The following RASGRF2 variants were observed in gnomAD, a reference collection of about 807,000 sequenced individuals.
RASGRF2 encodes ras-specific guanine nucleotide-releasing factor 2.
RASGRF2 carries 76 observed loss-of-function variants against 151.0 expected under a neutral mutation model. The observed-to-expected ratio is 0.50, with a 90% CI of 0.42 to 0.61. The LOEUF (loss-of-function observed/expected upper bound fraction) is 0.61. Among genes scored for constraint, RASGRF2 ranks in the 20% least tolerant of loss-of-function variants. The pLI is 0.00. For synonymous variants in RASGRF2, 504 were observed against 566.5 expected (o/e 0.89, Z 1.57); for missense variants, 1,148 against 1,564.6 (o/e 0.73, Z 4.49).
chr5:81,184,661 T>G (rs1754985869), intron 18 of RASGRF2, among the ~76,000 whole-genome samples: 1 of 152,194 alleles, frequency 6.6e-6, no homozygotes, highest in South Asian at 2.1e-4. Context: ...AATTGGAGGC[T>G]TAGGGGCATG....
At chr5:81,130,100 T>C (rs758115878) in intron 17 of RASGRF2, among the ~76,000 whole-genome samples, 1 of 152,182 alleles carries the variant, frequency 6.6e-6, no homozygotes, top group Non-Finnish European at 1.5e-5. Flanking sequence ...TTTTCCTACT[T>C]CTCCCCTGCA....
At chr5:81,130,201 CTCAG>C (rs1361331619) in intron 17 of RASGRF2, among the ~76,000 whole-genome samples, 2 of 152,208 alleles carry the variant, frequency 1.3e-5, no homozygotes, top group African/African-American at 4.8e-5. Context: ...TGCTAACAGA[CTCAG>C]TCAATGTTGC....
In RASGRF2 at chr5:81,226,511, G is replaced by A. The variant is rs936471900; in HGVS notation, c.*741G>A. 6.6e-6 allele frequency: 1 copy of A among 152,148 alleles called. No homozygotes were observed. The highest frequency in any genetic ancestry group is 2.4e-5 in the African/African-American group (1 of 41,422). 9.4% of individuals were successfully genotyped at this position (152,148 alleles called of 1,614,324 possible). A position where few individuals can be genotyped will look rare whatever the true frequency, so the allele number is the denominator to read the frequency against. The stretch of plus-strand genomic sequence containing the variant: ...TGGGGAGCTTTTCCTTGAGACTGTT[G>A]GTCCTAAGAAGCCAGCCCTTTTGGA... On this transcript the variant is annotated 3_prime_UTR_variant, in exon 27 of 27. Transcript: ENST00000265080.
chr5:81,080,537 C>T (rs1752057162), intron 6 of RASGRF2, 59 bp from the exon 7 acceptor site: 3 of 1,502,588 alleles, frequency 2.0e-6, no homozygotes, highest in African/African-American at 1.4e-5. Context: ...CATTCCTGCC[C>T]AGTGTAGGTA....
chr5:81,086,222 AG>A (rs1752225666), intron 8 of RASGRF2, among the ~76,000 whole-genome samples: 1 of 152,050 alleles, frequency 6.6e-6, no homozygotes, highest in African/African-American at 2.4e-5. Context: ...AATGATAGCC[AG>A]GTGTGGTGGT....
intron 18 of RASGRF2, among the ~76,000 whole-genome samples, chr5:81,192,311 C>T (rs147621425): frequency 5.3e-5 from 8 of 152,318 alleles, no homozygotes; most frequent in Non-Finnish European, 8.8e-5. Context: ...AAGTATTGAA[C>T]GTGTATTGGA....
intron 1 of RASGRF2, among the ~76,000 whole-genome samples, chr5:80,963,583 G>A (rs142943454): frequency 1.3e-3 from 195 of 152,304 alleles, no homozygotes; most frequent in African/African-American, 4.5e-3. Flanking sequence ...TTTGCAGTGT[G>A]GAGAATGTGA....
chr5:80,975,150 T>G (rs1234010882), intron 1 of RASGRF2, among the ~76,000 whole-genome samples: 1 of 151,926 alleles, frequency 6.6e-6, no homozygotes, highest in Non-Finnish European at 1.5e-5. Flanking sequence ...TTCTGCTTGG[T>G]TTCTTAGCCT....
In RASGRF2 at chr5:81,225,844, T is replaced by C. The variant is rs1755968944; in HGVS notation, c.*74T>C. On this transcript the variant is annotated 3_prime_UTR_variant, in exon 27 of 27. Transcript: ENST00000265080. ...CAGACAGAATTGTGTATGCCTTGCC[T>C]ATCACGGTACAGCACGAAGCCAGGC... The C allele has an allele frequency of 5.1e-5, 77 of 1,512,194 alleles. No homozygotes were observed. In the South Asian group the frequency reaches 9.3e-4, roughly 18 times the overall value. 93.7% of individuals were successfully genotyped at this position (1,512,194 alleles called of 1,614,324 possible).
At chr5:81,171,262 G>C (rs1377377390) in intron 17 of RASGRF2, among the ~76,000 whole-genome samples, 14 of 152,166 alleles carry the variant, frequency 9.2e-5, no homozygotes, top group Admixed American at 9.2e-4. Flanking sequence ...CCATGGAAAA[G>C]CATTTCTAGG....
chr5:81,208,148 C>A (rs1304759584), intron 21 of RASGRF2, among the ~76,000 whole-genome samples: 1 of 152,196 alleles, frequency 6.6e-6, no homozygotes, highest in Non-Finnish European at 1.5e-5. Context: ...AAGCTGGAAG[C>A]TGAAGAATCT....
intron 1 of RASGRF2, among the ~76,000 whole-genome samples, chr5:80,978,913 A>C (rs1195729272): frequency 6.6e-6 from 1 of 152,210 alleles, no homozygotes; most frequent in Non-Finnish European, 1.5e-5. Context: ...TTTTTTGAAA[A>C]CATTATTTTT....
chr5:81,004,352 C>T (rs1380106546), intron 1 of RASGRF2, among the ~76,000 whole-genome samples: 1 of 152,170 alleles, frequency 6.6e-6, no homozygotes, highest in Non-Finnish European at 1.5e-5. Context: ...GGATGTGGCA[C>T]GTTATTTGTT....
chr5:81,080,992 C>T (rs1752070298), intron 7 of RASGRF2, among the ~76,000 whole-genome samples: 1 of 152,126 alleles, frequency 6.6e-6, no homozygotes, highest in South Asian at 2.1e-4. Flanking sequence ...ATAAGAAAAC[C>T]AGGCATTTTT....
At chr5:81,191,213 G>A (rs1755147493) in intron 18 of RASGRF2, among the ~76,000 whole-genome samples, 1 of 151,960 alleles carries the variant, frequency 6.6e-6, no homozygotes. Flanking sequence ...GGTTCTCAAG[G>A]CCCCACGGCT....
chr5:81,217,401 C>T lies in RASGRF2; in HGVS notation c.3480C>T (p.Asp1160=). ...CTTATCTTGGGATGTACTTGACAGACCTGGCATTTATTGAAGAAGGAACAC... is the reference window on the plus strand; with the variant it reads ...CTTATCTTGGGATGTACTTGACAGATCTGGCATTTATTGAAGAAGGAACAC... ...AVPYLGMYLT[D]LAFIEEGTPN... The change falls in exon 25 of 27, where the codon GAC becomes GAT. Residue 1160 remains aspartate, a synonymous_variant. Coordinates refer to ENST00000265080, the MANE Select transcript of RASGRF2 (RefSeq NM_006909.3). 2 of 1,613,330 alleles carry T rather than the reference C, an allele frequency of 1.2e-6. No homozygotes were observed. The highest frequency in any genetic ancestry group is 1.3e-5 in the African/African-American group (1 of 74,898).
At chr5:81,084,076 G>A (rs1752160280) in intron 7 of RASGRF2, among the ~76,000 whole-genome samples, 1 of 152,140 alleles carries the variant, frequency 6.6e-6, no homozygotes, top group South Asian at 2.1e-4. Flanking sequence ...TCACCATAAG[G>A]CAGAAAGGGC....
chr5:81,218,500 T>G (rs535537358), intron 25 of RASGRF2, among the ~76,000 whole-genome samples: 1 of 152,218 alleles, frequency 6.6e-6, no homozygotes, highest in African/African-American at 2.4e-5. Flanking sequence ...TGAAGATTAG[T>G]TGGCTGTAAG....
intron 24 of RASGRF2, 43 bp downstream of exon 24, chr5:81,215,998 A>C: frequency 2.8e-6 from 4 of 1,431,586 alleles, no homozygotes; most frequent in Non-Finnish European, 3.7e-6. Flanking sequence ...ATTCAGAAAT[A>C]TATTTACATA....
Sources: allele counts gnomAD v4.1 joint callset (sites outside exome capture counted in the v4.1 genomes callset), GRCh38; gene constraint gnomAD v4.1.1; transcripts MANE v1.5; gene names NCBI Gene and HGNC (gene_info 2026-07-23, HGNC 2026-07-21).